ARMH3: variants seen among roughly 807,000 people sequenced by gnomAD.
ARMH3 encodes armadillo-like helical domain-containing protein 3.
Under a neutral mutation model 99.1 loss-of-function variants are expected in ARMH3, and 60 were observed. The ratio of observed to expected loss-of-function variants is 0.61; its 90% CI spans 0.49 to 0.75. The LOEUF is 0.75. ARMH3 is among the 30% of genes least tolerant of loss of function. The pLI is 0.00. For synonymous variants in ARMH3, 285 were observed against 292.8 expected, an observed-to-expected ratio of 0.97 and a Z score of 0.27; for missense variants, 679 against 843.1, an observed-to-expected ratio of 0.81 and a Z score of 2.41.
intron 23 of ARMH3, among the ~76,000 whole-genome samples, chr10:101,891,080 G>A (rs1217718027): frequency 6.6e-6 from 1 of 151,990 alleles, no homozygotes; most frequent in Non-Finnish European, 1.5e-5. Flanking sequence ...TTGCCAGATT[G>A]CCCAGGCTGG....
chr10:102,007,159 C>CAAAAAAAAAAAAAAAA (rs10639768), intron 13 of ARMH3, among the ~76,000 whole-genome samples: 9 of 60,030 alleles, frequency 1.5e-4, no homozygotes, highest in South Asian at 7.9e-4. Flanking sequence ...GACTCTATCT[C>CAAAAAAAAAAAAAAAA]AAAAAAAAAA....
intron 22 of ARMH3, among the ~76,000 whole-genome samples, chr10:101,945,162 G>C (rs148158559): frequency 4.6e-5 from 7 of 152,292 alleles, no homozygotes; most frequent in Admixed American, 4.6e-4. Context: ...AAGAGGGTCA[G>C]TTTCCAGGTT....
At chr10:101,920,501 G>A (rs1218140810) in intron 23 of ARMH3, among the ~76,000 whole-genome samples, 1 of 152,032 alleles carries the variant, frequency 6.6e-6, no homozygotes, top group Non-Finnish European at 1.5e-5. Flanking sequence ...GTGATGAGAG[G>A]GGCCAGCGAG....
intron 19 of ARMH3, among the ~76,000 whole-genome samples, chr10:101,984,930 G>A (rs768152766): frequency 2.6e-5 from 4 of 151,852 alleles, no homozygotes; most frequent in Non-Finnish European, 5.9e-5. Flanking sequence ...TTAGCCGGGC[G>A]TGGTGGTGCT....
At chr10:101,871,540 T>C (rs896968485) in intron 24 of ARMH3, among the ~76,000 whole-genome samples, 2 of 152,128 alleles carry the variant, frequency 1.3e-5, no homozygotes, top group Admixed American at 6.5e-5. Flanking sequence ...TTTTTTACAA[T>C]GCGCCTAAGT....
intron 24 of ARMH3, among the ~76,000 whole-genome samples, chr10:101,860,720 T>G (rs1011157636): frequency 6.6e-6 from 1 of 152,160 alleles, no homozygotes; most frequent in East Asian, 1.9e-4. Context: ...TGGGAGATGT[T>G]TGAATTTTGA....
chr10:101,975,317 A>C lies in ARMH3; in HGVS notation c.1407-17T>G. 1 of 1,601,422 alleles carries C rather than the reference A, an allele frequency of 6.2e-7. No homozygotes were observed. Among genetic ancestry groups the C allele is most frequent in the Non-Finnish European group, 8.6e-7 (1 of 1,169,576 alleles). On this transcript the variant is annotated splice_polypyrimidine_tract_variant and intron_variant, in intron 19 of 25. Coordinates refer to ENST00000370033, the MANE Select transcript of ARMH3 (RefSeq NM_024541.3). The stretch of plus-strand genomic sequence containing the variant: ...ATGCAGCGTCTGTAACAGGGAAAGC[A>C]AAAAATGAGGGTAAGCCTGAGAATA...
chr10:101,882,820 T>C (rs2067451416), intron 24 of ARMH3, among the ~76,000 whole-genome samples: 1 of 152,184 alleles, frequency 6.6e-6, no homozygotes. Flanking sequence ...CTTTTCAAAG[T>C]AGCTAAGCTA....
intron 8 of ARMH3, among the ~76,000 whole-genome samples, chr10:102,015,024 A>T (rs1283932751): frequency 6.6e-6 from 1 of 152,208 alleles, no homozygotes; most frequent in East Asian, 1.9e-4. Context: ...CAAGCTTCTG[A>T]GGGCATCTTT....
chr10:102,003,985 T>C (rs987072814), intron 14 of ARMH3, among the ~76,000 whole-genome samples: 2 of 152,202 alleles, frequency 1.3e-5, no homozygotes, highest in Non-Finnish European at 2.9e-5. Context: ...CATCCCTTTG[T>C]CCAATACAAG....
intron 18 of ARMH3, among the ~76,000 whole-genome samples, chr10:101,991,347 G>A (rs1350186484): frequency 3.3e-5 from 5 of 152,030 alleles, no homozygotes; most frequent in African/African-American, 9.7e-5. Context: ...CTCCTGGCCA[G>A]CCAGCACATC....
At chr10:101,953,456 T>TCA (rs1273266084) in intron 22 of ARMH3, among the ~76,000 whole-genome samples, 2 of 152,020 alleles carry the variant, frequency 1.3e-5, no homozygotes, top group African/African-American at 4.8e-5. Flanking sequence ...AGACAGGGTT[T>TCA]CACCATGTTA....
chr10:102,016,611 T>C (rs1266194177), intron 8 of ARMH3, among the ~76,000 whole-genome samples: 1 of 152,182 alleles, frequency 6.6e-6, no homozygotes, highest in Non-Finnish European at 1.5e-5. Context: ...TAGGAAACAG[T>C]TGGGATCTGA....
intron 17 of ARMH3, 120 bp from the exon 18 acceptor site, chr10:101,992,158 C>A: frequency 1.2e-6 from 1 of 847,718 alleles, no homozygotes; most frequent in Non-Finnish European, 1.9e-6. Context: ...CCTTTTCTTT[C>A]TCTTTTTCAC....
chr10:101,961,296 G>A lies in ARMH3; in HGVS notation c.1496-3564C>T, dbSNP rs373461267. 5.9e-5 allele frequency among the ~76,000 whole-genome samples: 9 copies of A among 151,986 alleles called. No homozygotes were observed. The East Asian group carries it at 7.7e-4, about 13-fold the overall frequency. On this transcript the variant is annotated intron_variant, in intron 20 of 25. Coordinates refer to ENST00000370033, the MANE Select transcript of ARMH3 (RefSeq NM_024541.3). ...CACCTCCACCTCTCTATCCCTTGTG[G>A]CTGCTTGCTCTCTCTTTTTTTTTTT...
chr10:101,894,574 G>A (rs1001988399), intron 23 of ARMH3, among the ~76,000 whole-genome samples: 7 of 152,158 alleles, frequency 4.6e-5, no homozygotes, highest in African/African-American at 7.2e-5. Flanking sequence ...AGCTCTTGGC[G>A]GGAGAAAGAT....
rs2067169794 is a variant in ARMH3, at chr10:102,033,072, T to C, written c.260A>G (p.Gln87Arg). The change falls in exon 4 of 26, where the codon CAG becomes CGG. Residue 87 changes from glutamine (Q) to arginine (R), a missense_variant. By Grantham distance (43) the Gln-to-Arg change is conservative. Around this residue, in one of 3 missense-constraint regions of ARMH3, gnomAD observed 280 missense variants for 354.6 expected, o/e 0.79. Coordinates refer to ENST00000370033, the MANE Select transcript of ARMH3 (RefSeq NM_024541.3). ...NINCLFQHCI[Q>R]ALGEEHPIRV... The stretch of plus-strand genomic sequence containing the variant: ...AATTGGATGCTCCTCTCCCAGAGCC[T>C]GGATGCAGTGTTGGAATAAGCAATT... 1.9e-6 allele frequency: 3 copies of C among 1,614,104 alleles called. No homozygotes were observed. The African/African-American group carries it at 4.0e-5, about 22-fold the overall frequency.
At chr10:101,964,845 CAAAAAAA>C (rs545171779) in intron 20 of ARMH3, among the ~76,000 whole-genome samples, 1 of 97,660 alleles carries the variant, frequency 1.0e-5, no homozygotes, top group Non-Finnish European at 2.2e-5. Flanking sequence ...CCGTCTTTAC[CAAAAAAA>C]AAAAAAAAAA....
chr10:101,907,464 C>A (rs1308810998), intron 23 of ARMH3, among the ~76,000 whole-genome samples: 1 of 151,354 alleles, frequency 6.6e-6, no homozygotes, highest in African/African-American at 2.4e-5. Flanking sequence ...CTCACTGCAA[C>A]CTCCGCCGCC....
Sources: allele counts gnomAD v4.1 joint callset (sites outside exome capture counted in the v4.1 genomes callset), GRCh38; gene constraint gnomAD v4.1.1; regional missense constraint gnomAD v4.1.1; transcripts MANE v1.5; gene names NCBI Gene and HGNC (gene_info 2026-07-23, HGNC 2026-07-21).